Variants in EXT1 observed in about 807,000 individuals in gnomAD.
EXT1 encodes the protein exostosin glycosyltransferase 1, also known as exostosin-1.
In EXT1, 20 loss-of-function variants were observed where a neutral mutation model predicts 82.5. That is an observed-to-expected ratio of 0.24 (90% CI 0.17 to 0.35). The LOEUF (loss-of-function observed/expected upper bound fraction) is 0.35, where lower values mean the gene tolerates loss of function less well. EXT1 is among the 10% of genes least tolerant of loss of function. EXT1 has a pLI of 1.00. For synonymous variants in EXT1, 348 were observed against 350.8 expected (o/e 0.99, Z 0.09); for missense variants, 757 against 936.5 (o/e 0.81, Z 2.50).
intron 4 of EXT1, among the ~76,000 whole-genome samples, chr8:117,826,600 C>T (rs758615421): frequency 6.6e-6 from 1 of 152,072 alleles, no homozygotes; most frequent in African/African-American, 2.4e-5. Context: ...TCTATTTCCC[C>T]TGATTTTTTG....
chr8:118,077,383 T>TA (rs1817231217), intron 1 of EXT1, among the ~76,000 whole-genome samples: 3 of 152,300 alleles, frequency 2.0e-5, no homozygotes, highest in African/African-American at 7.2e-5. Context: ...CCAAATAGAA[T>TA]AAAAACTGTA....
At chr8:118,031,250 G>T (rs1032053668) in intron 1 of EXT1, among the ~76,000 whole-genome samples, 1 of 152,136 alleles carries the variant, frequency 6.6e-6, no homozygotes, top group African/African-American at 2.4e-5. Context: ...GGCCGGCAAG[G>T]TGACTCACAC....
At chr8:117,986,523 A>C (rs762731821) in intron 1 of EXT1, among the ~76,000 whole-genome samples, 1 of 152,176 alleles carries the variant, frequency 6.6e-6, no homozygotes, top group Non-Finnish European at 1.5e-5. Context: ...ATGAAGAATA[A>C]ATTTAGGTCT....
intron 1 of EXT1, among the ~76,000 whole-genome samples, chr8:117,903,807 A>G (rs1382211881): frequency 1.3e-5 from 2 of 152,222 alleles, no homozygotes; most frequent in East Asian, 1.9e-4. Flanking sequence ...TTGAAAAAAC[A>G]TGAGAAATAA....
At position 117,798,296 on chromosome 8, in the gene EXT1, G is replaced by A. The variant is rs1022292612; in HGVS notation, c.*1416C>T. ...TATTGTTTATTCAGCATAATACATG[G>A]TCAAACTCAATAATGTCTTTCTCTT... On this transcript the variant is annotated 3_prime_UTR_variant, in exon 11 of 11. Transcript: ENST00000378204. 1 of 152,148 alleles carries A rather than the reference G, an allele frequency of 6.6e-6. No individual in the cohort carries two copies. The highest frequency in any genetic ancestry group is 1.5e-5 in the Non-Finnish European group (1 of 68,022). 9.4% of individuals were successfully genotyped at this position (152,148 alleles called of 1,614,324 possible).
intron 1 of EXT1, among the ~76,000 whole-genome samples, chr8:117,858,836 G>GGAAGGAAGGAAGGAAGGAAGGAAAGAAA (rs1812626191): frequency 1.9e-5 from 1 of 52,846 alleles, no homozygotes; most frequent in African/African-American, 6.8e-5. Flanking sequence ...AAGGAAGGAA[G>GGAAGGAAGGAAGGAAGGAAGGAAAGAAA]GAAGGAAGGA....
chr8:118,030,638 C>T lies in EXT1; in HGVS notation c.962+79447G>A, dbSNP rs530587627. Among the ~76,000 whole-genome samples the T allele has an allele frequency of 5.8e-4, 88 of 152,228 alleles. 1 individual carries two copies. The highest frequency in any genetic ancestry group is 1.9e-3 in the African/African-American group (79 of 41,554). On this transcript the variant is annotated intron_variant, in intron 1 of 10. Transcript: ENST00000378204. ...CTGGGATTACAGGGATGTGCCACCA[C>T]GCCCAGCTAATTTTTTTGTACTTAG...
At chr8:118,087,037 A>G (rs1817433186) in intron 1 of EXT1, among the ~76,000 whole-genome samples, 1 of 152,210 alleles carries the variant, frequency 6.6e-6, no homozygotes, top group Non-Finnish European at 1.5e-5. Context: ...TGCTTCTTTT[A>G]TTCTTGCAGC....
intron 1 of EXT1, among the ~76,000 whole-genome samples, chr8:117,888,339 T>C (rs1256220293): frequency 2.6e-5 from 4 of 152,086 alleles, no homozygotes; most frequent in Non-Finnish European, 4.4e-5. Flanking sequence ...ATAAAACAAT[T>C]ACATTCATAT....
rs866017885 is a variant in EXT1 at position 118,110,579 on chromosome 8, C to G, written c.468G>C (p.Leu156=). ...GGTCTCTGTCTAAAGTATCCAGACT[C>G]AGGACAAAGAGGCACGCCTGGCTGG... ...SDPSQACLFV[L]SLDTLDRDQL... The change falls in exon 1 of 11, where the codon CTG becomes CTC. Residue 156 remains leucine, a synonymous_variant. Transcript: ENST00000378204. 1 of 1,614,202 alleles carries G rather than the reference C, an allele frequency of 6.2e-7. No individual in the cohort carries two copies. The highest frequency in any genetic ancestry group is 1.7e-4 in the Middle Eastern group (1 of 6,060).
At chr8:117,857,805 G>A (rs1368111623) in intron 1 of EXT1, among the ~76,000 whole-genome samples, 1 of 152,146 alleles carries the variant, frequency 6.6e-6, no homozygotes, top group African/African-American at 2.4e-5. Context: ...GATGGATCTG[G>A]GCAAAGTCAA....
chr8:117,953,605 A>G (rs115692722), intron 1 of EXT1, among the ~76,000 whole-genome samples: 3 of 152,014 alleles, frequency 2.0e-5, no homozygotes, highest in African/African-American at 4.8e-5. Flanking sequence ...CTGAGAGTGA[A>G]TGATGCCTCT....
rs371910157 is a variant in EXT1 at position 117,905,518 on chromosome 8, A to G, written c.963-68317T>C. On this transcript the variant is annotated intron_variant, in intron 1 of 10. Transcript: ENST00000378204. ...TGGTGACAGAGCGAGACTGTCTCAA[A>G]AAAACCAAAACAGGCCAGGCGTGGT... Among the ~76,000 whole-genome samples the G allele has an allele frequency of 4.6e-5, 7 of 152,174 alleles. No homozygotes were observed. The East Asian group carries it at 5.8e-4, about 13-fold the overall frequency.
intron 1 of EXT1, among the ~76,000 whole-genome samples, chr8:118,032,289 T>TC (rs1816339473): frequency 6.6e-6 from 1 of 151,488 alleles, no homozygotes; most frequent in African/African-American, 2.4e-5. Flanking sequence ...AATTATCAGG[T>TC]CCCCTCCTAG....
Position 117,815,186 on chromosome 8 carries a change from T to C in EXT1, c.1633-2225A>G, listed in dbSNP as rs537637694. The stretch of plus-strand genomic sequence containing the variant: ...AACGCAGAAACCATTAGCTGCCAGC[T>C]TAGCACTGCCCTGACCTTTCCCTTG... On this transcript the variant is annotated intron_variant, in intron 7 of 10. Coordinates refer to ENST00000378204, the MANE Select transcript of EXT1 (RefSeq NM_000127.3). Among the ~76,000 whole-genome samples, 4 of 152,348 alleles carry C rather than the reference T, an allele frequency of 2.6e-5. No homozygotes were observed. In the South Asian group the frequency reaches 8.3e-4, roughly 32 times the overall value.
chr8:118,058,071 A>T (rs1816824630), intron 1 of EXT1, among the ~76,000 whole-genome samples: 1 of 151,980 alleles, frequency 6.6e-6, no homozygotes, highest in Non-Finnish European at 1.5e-5. Context: ...TGGCTTCAGG[A>T]GTATATTCCC....
intron 1 of EXT1, among the ~76,000 whole-genome samples, chr8:117,864,332 CT>C (rs1812735987): frequency 1.3e-5 from 2 of 152,154 alleles, no homozygotes; most frequent in Non-Finnish European, 1.5e-5. Flanking sequence ...TTTTGCTTGC[CT>C]TTTTTGGGAA....
rs751404551 is a variant in EXT1 at position 117,818,484 on chromosome 8, C to A, written c.1583G>T (p.Arg528Leu). Residue 528 changes from arginine to leucine, a missense_variant, in exon 7 of 11, where the codon CGC (arginine) becomes CTC (leucine). By Grantham distance (102) the Arg-to-Leu change is moderately radical. Around this residue, in one of 4 missense-constraint regions of EXT1, gnomAD observed 207 missense variants for 224.2 expected, o/e 0.92. Coordinates refer to ENST00000378204, the MANE Select transcript of EXT1 (RefSeq NM_000127.3). ...GACAGGCACAGCAGTGGCAGGCCAG[C>A]GGTGTTTGGCTGGTAGGGGCTTGTC... is the stretch of plus-strand genomic sequence containing the variant. Reference protein sequence around the residue: ...NCDKPLPAKHRWPATAVPVVV... With the variant: ...NCDKPLPAKHLWPATAVPVVV... The A allele has an allele frequency of 1.2e-6, 2 of 1,613,888 alleles. No individual in the cohort carries two copies. Among genetic ancestry groups the A allele is most frequent in the Non-Finnish European group, 1.7e-6 (2 of 1,180,010 alleles).
At chr8:117,944,412 G>A (rs1318783452) in intron 1 of EXT1, among the ~76,000 whole-genome samples, 2 of 151,234 alleles carry the variant, frequency 1.3e-5, no homozygotes, top group African/African-American at 4.9e-5. Flanking sequence ...ATAAAAAAGT[G>A]AAATCGGAGT....
Sources: gnomAD v4.1 joint callset for allele counts (sites outside exome capture counted in the v4.1 genomes callset) on GRCh38, gnomAD v4.1.1 for gene constraint, gnomAD v4.1.1 regional missense constraint, MANE v1.5 for transcripts, NCBI Gene and HGNC (gene_info 2026-07-23, HGNC 2026-07-21) for gene names.